Variants in SLC25A21 observed in about 807,000 individuals in gnomAD.
The protein encoded by SLC25A21 is mitochondrial 2-oxodicarboxylate carrier.
SLC25A21 carries 47 observed loss-of-function variants against 43.8 expected under a neutral mutation model. That is an observed-to-expected ratio of 1.07 (90% CI 0.85 to 1.37). SLC25A21 has a LOEUF of 1.37. Among genes scored for constraint, SLC25A21 ranks in the 40% most tolerant of loss-of-function variants. The pLI, the probability that SLC25A21 is intolerant of heterozygous loss-of-function variation, is 0.00. For synonymous variants in SLC25A21, 131 were observed against 121.3 expected (o/e 1.08, Z -0.52); for missense variants, 352 against 350.2 (o/e 1.00, Z -0.04).
chr14:36,881,616 T>C (rs1229549765), intron 1 of SLC25A21, among the ~76,000 whole-genome samples: 3 of 152,118 alleles, frequency 2.0e-5, no homozygotes, highest in Non-Finnish European at 4.4e-5. Context: ...ACAACCTAGG[T>C]CACAGAAAAG....
chr14:36,678,578 T>A lies in SLC25A21; in HGVS notation c.*2080A>T. ...TTAAAACCATACCATACAGGGACTC[T>A]CCTGTCATCTGAAAAACTGATGTAA... On this transcript the variant is annotated 3_prime_UTR_variant, in exon 10 of 10. Transcript: ENST00000331299. 1 of 1,517,638 alleles carries A rather than the reference T, an allele frequency of 6.6e-7. No individual in the cohort carries two copies. Among genetic ancestry groups the A allele is most frequent in the Non-Finnish European group, 8.8e-7 (1 of 1,137,650 alleles). The allele number at this position is 1,517,638 out of a possible 1,614,324, so 94.0% of individuals were successfully genotyped here.
chr14:36,832,321 A>G (rs1441210396), intron 2 of SLC25A21, among the ~76,000 whole-genome samples: 1 of 152,144 alleles, frequency 6.6e-6, no homozygotes, highest in Non-Finnish European at 1.5e-5. Context: ...AGATCTTCCC[A>G]TATAAATTTT....
At chr14:36,811,379 G>A (rs1594609341) in intron 3 of SLC25A21, among the ~76,000 whole-genome samples, 2 of 152,108 alleles carry the variant, frequency 1.3e-5, no homozygotes, top group South Asian at 2.1e-4. Flanking sequence ...GGCTGGGTGT[G>A]GTGGCTCACA....
At chr14:36,881,066 T>C (rs1393075686) in intron 1 of SLC25A21, among the ~76,000 whole-genome samples, 1 of 152,200 alleles carries the variant, frequency 6.6e-6, no homozygotes, top group Non-Finnish European at 1.5e-5. Context: ...GGTTCAGGCC[T>C]AGTAATTTAG....
intron 4 of SLC25A21, 139 bp downstream of exon 4, chr14:36,734,368 A>C (rs1884947026): frequency 1.8e-6 from 1 of 560,326 alleles, no homozygotes; most frequent in Admixed American, 3.6e-5. Context: ...GTCTAATTAT[A>C]ATAAAAATTA....
rs576275831 is a variant in SLC25A21, at chr14:37,057,682, T to G, written c.70+114599A>C. On this transcript the variant is annotated intron_variant, in intron 1 of 9. Coordinates refer to ENST00000331299, the MANE Select transcript of SLC25A21 (RefSeq NM_030631.4). The stretch of plus-strand genomic sequence containing the variant: ...TTGATGAATTACAATGTTGTCACTT[T>G]TTATTTTGCTATGTTAACTTGAATT... 7.2e-5 allele frequency among the ~76,000 whole-genome samples: 11 copies of G among 152,364 alleles called. No individual in the cohort carries two copies. In the South Asian group the frequency reaches 1.4e-3, roughly 20 times the overall value.
chr14:37,050,162 T>G (rs1961674161), intron 1 of SLC25A21, among the ~76,000 whole-genome samples: 4 of 152,210 alleles, frequency 2.6e-5, no homozygotes. Flanking sequence ...TAGTGTGAAG[T>G]GTGTTCAAAA....
intron 1 of SLC25A21, among the ~76,000 whole-genome samples, chr14:37,007,621 TA>T (rs1566810311): frequency 6.6e-6 from 1 of 151,216 alleles, no homozygotes; most frequent in African/African-American, 2.4e-5. Context: ...ATAATAATAA[TA>T]AAGAACTTTG....
chr14:36,986,838 G>C (rs1960158463), intron 1 of SLC25A21, among the ~76,000 whole-genome samples: 1 of 152,242 alleles, frequency 6.6e-6, no homozygotes, highest in South Asian at 2.1e-4. Context: ...AGAAGGCTTT[G>C]AATATTGGGT....
At chr14:36,880,051 G>A (rs1194068734) in intron 1 of SLC25A21, among the ~76,000 whole-genome samples, 1 of 152,092 alleles carries the variant, frequency 6.6e-6, no homozygotes, top group Non-Finnish European at 1.5e-5. Context: ...CTCTTAGTAG[G>A]CATCCCCTCT....
intron 1 of SLC25A21, among the ~76,000 whole-genome samples, chr14:36,936,910 T>C (rs1892438773): frequency 6.6e-6 from 1 of 152,162 alleles, no homozygotes; most frequent in African/African-American, 2.4e-5. Context: ...TTGCTGCGTG[T>C]ATTCCTGCTG....
At chr14:37,161,225 G>A (rs971026614) in intron 1 of SLC25A21, among the ~76,000 whole-genome samples, 16 of 152,066 alleles carry the variant, frequency 1.1e-4, no homozygotes, top group Admixed American at 1.0e-3. Flanking sequence ...ATCAATCACA[G>A]AGACAACTTT....
chr14:36,921,334 T>C (rs1891975812), intron 1 of SLC25A21, among the ~76,000 whole-genome samples: 1 of 152,158 alleles, frequency 6.6e-6, no homozygotes, highest in East Asian at 1.9e-4. Context: ...AGAGTGCATA[T>C]ATTGAGCACT....
chr14:36,996,790 C>T lies in SLC25A21; in HGVS notation c.71-121786G>A, dbSNP rs796973515. On this transcript the variant is annotated intron_variant, in intron 1 of 9. Transcript: ENST00000331299. ...ACAGGAGAAGTGACTTGGCCACGGC[C>T]CTGTCTCCTCAGAGTGTGTTCCAAC... 2.6e-5 allele frequency among the ~76,000 whole-genome samples: 4 copies of T among 152,094 alleles called. No homozygotes were observed. The South Asian group carries it at 8.3e-4, about 32-fold the overall frequency.
At chr14:37,107,467 G>C (rs1962937277) in intron 1 of SLC25A21, among the ~76,000 whole-genome samples, 2 of 152,076 alleles carry the variant, frequency 1.3e-5, no homozygotes, top group South Asian at 2.1e-4. Context: ...ACAGATGTAA[G>C]CTACCATATC....
In SLC25A21 at chr14:36,680,296, CTT is replaced by C. The variant is rs113632055; in HGVS notation, c.*360_*361del. Reference sequence around the variant, plus strand: ...CAATAGTTTAAGCATTTCTAGACCTCTTAGGAAAAATGCTGATCAATACAATG... The same window carrying C: ...CAATAGTTTAAGCATTTCTAGACCTCAGGAAAAATGCTGATCAATACAATG... On this transcript the variant is annotated 3_prime_UTR_variant, in exon 10 of 10. Coordinates refer to ENST00000331299, the MANE Select transcript of SLC25A21 (RefSeq NM_030631.4). 0.086 allele frequency: 85,058 copies of C among 988,560 alleles called. 7,088 individuals are homozygous for C. The highest frequency in any genetic ancestry group is 0.39 in the African/African-American group (22,288 of 57,306). The allele number at this position is 988,560 out of a possible 1,614,324, so 61.2% of individuals were successfully genotyped here.
intron 1 of SLC25A21, among the ~76,000 whole-genome samples, chr14:36,886,579 A>C (rs2138576042): frequency 6.6e-6 from 1 of 152,324 alleles, no homozygotes; most frequent in East Asian, 1.9e-4. Context: ...AGAGGTATAA[A>C]CCATATGCAC....
chr14:36,779,615 T>TATATATATATATATATATGTGTATAC (rs1886974754), intron 3 of SLC25A21, among the ~76,000 whole-genome samples: 1 of 24,708 alleles, frequency 4.0e-5, no homozygotes, highest in South Asian at 1.2e-3. Context: ...TATACATATA[T>TATATATATATATATATATGTGTATAC]ATATATATAT....
chr14:36,781,551 C>T (rs1887062288), intron 3 of SLC25A21, among the ~76,000 whole-genome samples: 1 of 152,086 alleles, frequency 6.6e-6, no homozygotes, highest in African/African-American at 2.4e-5. Flanking sequence ...ATAGTTATAA[C>T]CATATCAGTC....
Sources: allele counts gnomAD v4.1 joint callset (sites outside exome capture counted in the v4.1 genomes callset), GRCh38; gene constraint gnomAD v4.1.1; transcripts MANE v1.5; gene names NCBI Gene and HGNC (gene_info 2026-07-23, HGNC 2026-07-21).